The following BCL11A variants were observed in gnomAD, a reference collection of about 807,000 sequenced individuals.
The protein encoded by BCL11A is B cell CLL/lymphoma 11A.
A neutral mutation model predicts 55.9 loss-of-function variants in BCL11A; 2 were observed. The ratio of observed to expected loss-of-function variants is 0.04; its 90% CI spans 0.01 to 0.11. The LOEUF is 0.11. BCL11A is among the 10% of genes least tolerant of loss of function. BCL11A has a pLI of 1.00. For missense variants in BCL11A, 817 were observed against 1,137.1 expected (o/e 0.72, Z 4.05); for synonymous variants, 465 against 473.4 (o/e 0.98, Z 0.23).
intron 1 of BCL11A, among the ~76,000 whole-genome samples, chr2:60,552,070 C>T (rs1670435050): frequency 6.6e-6 from 1 of 151,552 alleles, no homozygotes; most frequent in African/African-American, 2.4e-5. Context: ...AAGTTTGCAA[C>T]TGAAGGGGTT....
intron 3 of BCL11A, among the ~76,000 whole-genome samples, chr2:60,466,024 G>C (rs1676587321): frequency 6.6e-6 from 1 of 152,108 alleles, no homozygotes; most frequent in African/African-American, 2.4e-5. Flanking sequence ...AAGTGGAATG[G>C]GCATCAGGTT....
At chr2:60,474,821 C>A (rs1044408462) in intron 2 of BCL11A, among the ~76,000 whole-genome samples, 1 of 152,258 alleles carries the variant, frequency 6.6e-6, no homozygotes, top group East Asian at 1.9e-4. Flanking sequence ...GTGGGCAGTA[C>A]AAAGAAAACA....
intron 2 of BCL11A, among the ~76,000 whole-genome samples, chr2:60,469,267 A>G (rs753669692): frequency 1.3e-5 from 2 of 152,232 alleles, no homozygotes; most frequent in Non-Finnish European, 2.9e-5. Context: ...CCAAGCAAAA[A>G]GCAAAATGCT....
chr2:60,534,103 A>T (rs568674321), intron 2 of BCL11A: 2 of 152,376 alleles, frequency 1.3e-5, no homozygotes, highest in Non-Finnish European at 2.9e-5. Flanking sequence ...TCAACAGCAA[A>T]GGCAAACACC....
At chr2:60,531,604 T>C (rs940924043) in intron 2 of BCL11A, among the ~76,000 whole-genome samples, 6 of 152,188 alleles carry the variant, frequency 3.9e-5, no homozygotes, top group African/African-American at 1.4e-4. Flanking sequence ...GTCCAGCCAA[T>C]GAAACTTGCT....
downstream of BCL11A, among the ~76,000 whole-genome samples, chr2:60,456,219 G>C (rs1423277104): frequency 2.0e-5 from 3 of 152,106 alleles, no homozygotes; most frequent in Non-Finnish European, 4.4e-5. Flanking sequence ...AACGGCTTTT[G>C]TTTTGGTTTT....
chr2:60,453,667 G>A (rs1193629923), downstream of BCL11A, among the ~76,000 whole-genome samples: 1 of 152,132 alleles, frequency 6.6e-6, no homozygotes, highest in Non-Finnish European at 1.5e-5. Context: ...AAACCCTTTC[G>A]TCCAACCTGC....
At chr2:60,463,224 A>G (rs1268636329) in intron 3 of BCL11A, among the ~76,000 whole-genome samples, 1 of 152,250 alleles carries the variant, frequency 6.6e-6, no homozygotes, top group Non-Finnish European at 1.5e-5. Context: ...GCTGTATCCA[A>G]TCTTTAGGAG....
chr2:60,486,793 A>T (rs968150253), intron 2 of BCL11A, among the ~76,000 whole-genome samples: 10 of 152,176 alleles, frequency 6.6e-5, no homozygotes, highest in Non-Finnish European at 1.5e-4. Context: ...GAATGACCAC[A>T]TCCCTTCCCA....
At chr2:60,456,723 A>G (rs1193250682), downstream of BCL11A, among the ~76,000 whole-genome samples, 2 of 152,206 alleles carry the variant, frequency 1.3e-5, no homozygotes, top group Admixed American at 1.3e-4. Context: ...TTATGAGAAA[A>G]GACTCTTACA....
intron 2 of BCL11A, among the ~76,000 whole-genome samples, chr2:60,517,424 G>C (rs1668783075): frequency 6.6e-6 from 1 of 152,214 alleles, no homozygotes. Flanking sequence ...CAAGAAGAAA[G>C]GGCAAAGGAC....
intron 2 of BCL11A, among the ~76,000 whole-genome samples, chr2:60,481,028 A>G (rs1419864633): frequency 6.6e-6 from 1 of 152,326 alleles, no homozygotes. Context: ...GGAAGCCCCC[A>G]GCTGCCTCCC....
intron 2 of BCL11A, among the ~76,000 whole-genome samples, chr2:60,521,559 C>G (rs1007849103): frequency 8.5e-5 from 13 of 152,330 alleles, no homozygotes; most frequent in African/African-American, 3.1e-4. Flanking sequence ...ATTCCCCTTT[C>G]CAGCTCTGCA....
At chr2:60,518,563 C>T (rs892526829) in intron 2 of BCL11A, among the ~76,000 whole-genome samples, 10 of 152,230 alleles carry the variant, frequency 6.6e-5, no homozygotes, top group South Asian at 2.1e-4. Context: ...GCTTCCCACA[C>T]GCAAAGGCAT....
At chr2:60,534,905 T>C (rs540550758) in intron 2 of BCL11A, 3 of 152,374 alleles carry the variant, frequency 2.0e-5, no homozygotes, top group African/African-American at 4.8e-5. Context: ...ACTTTTAATC[T>C]TGAGAAGAAA....
intron 2 of BCL11A, among the ~76,000 whole-genome samples, chr2:60,539,635 A>T (rs1669831914): frequency 6.6e-6 from 1 of 152,238 alleles, no homozygotes; most frequent in Admixed American, 6.5e-5. Context: ...GGCATCAAGT[A>T]TACTGGCTTT....
chr2:60,526,241 A>G (rs1490552128), intron 2 of BCL11A: 2 of 152,224 alleles, frequency 1.3e-5, no homozygotes, highest in African/African-American at 4.8e-5. Flanking sequence ...GCAGAAAGCT[A>G]TTGGTTGGCT....
At chr2:60,490,596 C>A (rs1678572181) in intron 2 of BCL11A, among the ~76,000 whole-genome samples, 1 of 152,218 alleles carries the variant, frequency 6.6e-6, no homozygotes. Flanking sequence ...CCTTCTCCAA[C>A]CTCATAGAAC....
chr2:60,460,067 C>T lies in BCL11A; in HGVS notation c.*337G>A. 9.2e-7 allele frequency: 1 copy of T among 1,091,520 alleles called. No homozygotes were observed. The highest frequency in any genetic ancestry group is 1.1e-6 in the Non-Finnish European group (1 of 899,442). The allele number at this position is 1,091,520 out of a possible 1,614,324, so 67.6% of individuals were successfully genotyped here. ...GTCTAAGTTTAAAAAAAAACATACACAACATGTAAATTATTGCACAAGAGA... is the reference window on the plus strand; with the variant it reads ...GTCTAAGTTTAAAAAAAAACATACATAACATGTAAATTATTGCACAAGAGA... On this transcript the variant is annotated 3_prime_UTR_variant, in exon 4 of 4. Transcript: ENST00000642384.
Sources: allele counts gnomAD v4.1 joint callset (sites outside exome capture counted in the v4.1 genomes callset), GRCh38; gene constraint gnomAD v4.1.1; transcripts MANE v1.5; gene names NCBI Gene and HGNC (gene_info 2026-07-23, HGNC 2026-07-21).